The following SYN3 variants were observed in gnomAD, a reference collection of about 807,000 sequenced individuals.
SYN3 encodes the protein synapsin III, also known as synapsin-3.
SYN3 carries 35 observed loss-of-function variants against 65.8 expected under a neutral mutation model. That is an observed-to-expected ratio of 0.53 (90% CI 0.41 to 0.70). The LOEUF is 0.70. SYN3 is among the 30% of genes least tolerant of loss of function. The pLI, the probability that SYN3 is intolerant of heterozygous loss-of-function variation, is 0.00. For synonymous variants in SYN3, 270 were observed against 292.9 expected (o/e 0.92, Z 0.80); for missense variants, 680 against 749.0 (o/e 0.91, Z 1.08).
At chr22:32,636,959 T>C (rs1476715317) in intron 6 of SYN3, among the ~76,000 whole-genome samples, 1 of 152,162 alleles carries the variant, frequency 6.6e-6, no homozygotes, top group East Asian at 1.9e-4. Context: ...ATAGAACAGA[T>C]AAAAGTAAGG....
chr22:32,958,345 G>A (rs554721674), intron 3 of SYN3, among the ~76,000 whole-genome samples: 8 of 152,284 alleles, frequency 5.3e-5, no homozygotes, highest in South Asian at 4.2e-4. Flanking sequence ...TGCTCACGTC[G>A]CTTTCTGCAT....
chr22:32,529,798 G>A (rs2058040930), intron 10 of SYN3, among the ~76,000 whole-genome samples: 1 of 152,174 alleles, frequency 6.6e-6, no homozygotes, highest in South Asian at 2.1e-4. Context: ...TCCACTGCAG[G>A]AGTCGGCGGC....
intron 7 of SYN3, among the ~76,000 whole-genome samples, chr22:32,555,286 A>G (rs746774753): frequency 6.6e-6 from 1 of 152,214 alleles, no homozygotes; most frequent in African/African-American, 2.4e-5. Flanking sequence ...TGAAGAGGGG[A>G]CATCCCATCT....
rs201577025 is a variant in SYN3, at chr22:32,527,933, G to A, written c.1303C>T (p.Arg435Cys). The A allele has an allele frequency of 1.8e-5, 28 of 1,588,996 alleles. No homozygotes were observed. Among genetic ancestry groups the A allele is most frequent in the Admixed American group, 1.6e-4 (9 of 57,494 alleles). Residue 435 changes from arginine (R) to cysteine (C), a missense_variant, in exon 12 of 14, where the codon CGC (arginine) becomes TGC (cysteine). Arg to Cys is a radical substitution (Grantham distance 180). Transcript: ENST00000358763. ...LGPQLGQPQP[R>C]PPPQGGPRQA... ...TGGGTCATACCTTGCGGAGGTGGGC[G>A]TGGCTGGGGCTGGCCTAGCTGAGGC...
In SYN3 at chr22:32,565,149, G is replaced by GCTGCACCCAAACAGTGCTCTCGGA. The variant is rs200639719; in HGVS notation, c.775-23460_775-23437dup. The stretch of plus-strand genomic sequence containing the variant: ...GACTGCACCCAAACAGTGCTCCTGG[G>GCTGCACCCAAACAGTGCTCTCGGA]CTGCACCCAAACAGTGCTCTCGGAC... On this transcript the variant is annotated intron_variant, in intron 7 of 13. Transcript: ENST00000358763. Among the ~76,000 whole-genome samples the GCTGCACCCAAACAGTGCTCTCGGA allele has an allele frequency of 4.0e-4, 44 of 109,886 alleles. 1 individual carries two copies. Among genetic ancestry groups the GCTGCACCCAAACAGTGCTCTCGGA allele is most frequent in the South Asian group, 2.9e-4 (1 of 3,420 alleles). 72.1% of individuals were successfully genotyped at this position (109,886 alleles called of 152,430 possible). A position where few individuals can be genotyped will look rare whatever the true frequency, so the allele number is the denominator to read the frequency against.
At chr22:32,976,737 T>A (rs1306665041) in intron 3 of SYN3, among the ~76,000 whole-genome samples, 4 of 152,154 alleles carry the variant, frequency 2.6e-5, no homozygotes, top group Non-Finnish European at 5.9e-5. Context: ...GTTTCTTGAT[T>A]CCTGGCTCTG....
At chr22:32,731,606 C>T (rs530568985) in intron 6 of SYN3, among the ~76,000 whole-genome samples, 3 of 152,310 alleles carry the variant, frequency 2.0e-5, no homozygotes, top group Non-Finnish European at 4.4e-5. Context: ...GCTGTGGGGC[C>T]TTGCCAGCAA....
In SYN3 at chr22:33,049,920, G is replaced by T. The variant is rs770008410; in HGVS notation, c.-163+8372C>A. Among the ~76,000 whole-genome samples the T allele has an allele frequency of 1.3e-4, 20 of 149,256 alleles. No homozygotes were observed. In the South Asian group the frequency reaches 3.0e-3, roughly 22 times the overall value. The stretch of plus-strand genomic sequence containing the variant: ...GACACCAGCCACAAAGCCAAGCAGA[G>T]GAGGTTTTCCATAAGCCTACTCCAA... On this transcript the variant is annotated intron_variant, in intron 1 of 13. Transcript: ENST00000358763.
At chr22:32,644,101 A>G (rs5749475) in intron 6 of SYN3, among the ~76,000 whole-genome samples, 1,508 of 71,134 alleles carry the variant, frequency 0.021, 282 homozygotes, top group African/African-American at 0.065. Context: ...AAAAAAAAAA[A>G]AGCGACAAGA....
chr22:32,516,196 TTTA>T (rs1348680914), intron 13 of SYN3, among the ~76,000 whole-genome samples: 1 of 138,352 alleles, frequency 7.2e-6, no homozygotes, highest in African/African-American at 2.5e-5. Flanking sequence ...TCTGAACAAT[TTTA>T]TTATTTATTT....
intron 6 of SYN3, among the ~76,000 whole-genome samples, chr22:32,663,882 GAT>G (rs1167339960): frequency 1.3e-5 from 2 of 152,106 alleles, no homozygotes; most frequent in East Asian, 3.9e-4. Flanking sequence ...TCAAGAGAGA[GAT>G]AGTGGAAGGA....
Position 33,051,457 on chromosome 22 carries a change from A to G in SYN3, c.-163+6835T>C, listed in dbSNP as rs563313807. On this transcript the variant is annotated intron_variant, in intron 1 of 13. Coordinates refer to ENST00000358763, the MANE Select transcript of SYN3 (RefSeq NM_003490.4). ...GCTCCCCTCTCCCTTCCCCACATCTACTCATTTCAGTTTACATCTTGAGGC... is the reference window on the plus strand; with the variant it reads ...GCTCCCCTCTCCCTTCCCCACATCTGCTCATTTCAGTTTACATCTTGAGGC... 4.0e-5 allele frequency among the ~76,000 whole-genome samples: 6 copies of G among 151,730 alleles called. 1 individual carries two copies. Among genetic ancestry groups the G allele is most frequent in the Admixed American group, 3.9e-4 (6 of 15,198 alleles).
At chr22:33,047,044 T>C (rs1421937666) in intron 1 of SYN3, among the ~76,000 whole-genome samples, 1 of 151,990 alleles carries the variant, frequency 6.6e-6, no homozygotes, top group Non-Finnish European at 1.5e-5. Flanking sequence ...CTCCCAAACA[T>C]CACGGCTCTA....
chr22:32,545,230 T>A (rs143290360), intron 7 of SYN3, among the ~76,000 whole-genome samples: 39 of 152,292 alleles, frequency 2.6e-4, no homozygotes, highest in African/African-American at 8.9e-4. Context: ...GAAACCATGG[T>A]AGTTCCAGGC....
chr22:32,970,995 A>G lies in SYN3; in HGVS notation c.369+9650T>C, dbSNP rs55893006. ...GCTGTGTCACATGCCTGGGCAATTT[A>G]TTTAAGCTCTCTGGGTCCCAGTTTC... On this transcript the variant is annotated intron_variant, in intron 3 of 13. Transcript: ENST00000358763. Among the ~76,000 whole-genome samples the G allele has an allele frequency of 7.0e-3, 1,071 of 152,316 alleles. 9 individuals carry two copies. The highest frequency in any genetic ancestry group is 0.035 in the South Asian group (169 of 4,826).
Position 32,518,124 on chromosome 22 carries a change from G to A in SYN3, c.1529C>T (p.Pro510Leu). Residue 510 changes from proline to leucine, a missense_variant, in exon 13 of 14, where the codon CCC becomes CTC. Pro to Leu is a moderately conservative substitution (Grantham distance 98). Coordinates refer to ENST00000358763, the MANE Select transcript of SYN3 (RefSeq NM_003490.4). ...SKPGATLASQ[P>L]RPPVQGRSTS... ...ACTACGGCCCTGCACAGGGGGCCGG[G>A]GCTGTGAGGCGAGGGTGGCACCTGG... 3 of 1,602,950 alleles carry A rather than the reference G, an allele frequency of 1.9e-6. No homozygotes were observed. Among genetic ancestry groups the A allele is most frequent in the Non-Finnish European group, 2.6e-6 (3 of 1,174,454 alleles).
chr22:32,553,134 C>T (rs1394275459), intron 7 of SYN3, among the ~76,000 whole-genome samples: 1 of 152,136 alleles, frequency 6.6e-6, no homozygotes, highest in African/African-American at 2.4e-5. Context: ...CTCATCTAAA[C>T]CTAATTACCT....
chr22:32,777,603 G>A (rs528570232), intron 6 of SYN3, among the ~76,000 whole-genome samples: 4 of 152,144 alleles, frequency 2.6e-5, no homozygotes, highest in South Asian at 4.2e-4. Context: ...CCTGTGTGTC[G>A]GGTACCGTGC....
intron 3 of SYN3, among the ~76,000 whole-genome samples, chr22:32,960,388 G>C (rs1399550410): frequency 1.3e-5 from 2 of 152,112 alleles, no homozygotes; most frequent in Non-Finnish European, 2.9e-5. Flanking sequence ...TCCTAAACCT[G>C]TTTCCCCTGC....
Sources: allele counts gnomAD v4.1 joint callset (sites outside exome capture counted in the v4.1 genomes callset), GRCh38; gene constraint gnomAD v4.1.1; transcripts MANE v1.5; gene names NCBI Gene and HGNC (gene_info 2026-07-23, HGNC 2026-07-21).